Variants in KCNB2 observed in about 807,000 individuals in gnomAD.
The protein encoded by KCNB2 is potassium voltage-gated channel subfamily B member 2, also known as delayed rectifier potassium channel protein.
KCNB2 carries 15 observed loss-of-function variants against 61.5 expected under a neutral mutation model. That is an observed-to-expected ratio of 0.24 (90% CI 0.16 to 0.38). KCNB2 has a LOEUF of 0.38. Among genes scored for constraint, KCNB2 ranks in the 10% least tolerant of loss-of-function variants. The probability of loss-of-function intolerance (pLI) is 1.00; values close to 1 mark genes in which losing one functional copy is unlikely to be tolerated. For missense variants in KCNB2, 828 were observed against 1,125.2 expected (o/e 0.74, Z 3.78); for synonymous variants, 457 against 446.0 (o/e 1.02, Z -0.31).
chr8:72,682,678 C>T (rs926909159), intron 2 of KCNB2, among the ~76,000 whole-genome samples: 8 of 152,110 alleles, frequency 5.3e-5, no homozygotes, highest in African/African-American at 1.9e-4. Context: ...ACTGCAGCCT[C>T]AATTTCCTGG....
intron 2 of KCNB2, among the ~76,000 whole-genome samples, chr8:72,741,919 G>A (rs1161718370): frequency 6.6e-6 from 1 of 152,184 alleles, no homozygotes; most frequent in African/African-American, 2.4e-5. Context: ...AACCACTATG[G>A]AAAATAGTAT....
At chr8:72,772,538 T>G (rs1393481898) in intron 2 of KCNB2, among the ~76,000 whole-genome samples, 1 of 152,238 alleles carries the variant, frequency 6.6e-6, no homozygotes, top group East Asian at 1.9e-4. Flanking sequence ...GCTTCTGTTT[T>G]GCTGTTGTTG....
At chr8:72,852,457 T>G (rs1173738656) in intron 2 of KCNB2, among the ~76,000 whole-genome samples, 1 of 152,210 alleles carries the variant, frequency 6.6e-6, no homozygotes, top group Non-Finnish European at 1.5e-5. Flanking sequence ...TGTGTATGCT[T>G]ATACCACTAT....
intron 2 of KCNB2, among the ~76,000 whole-genome samples, chr8:72,651,715 C>T (rs1248827389): frequency 6.6e-6 from 1 of 152,016 alleles, no homozygotes; most frequent in African/African-American, 2.4e-5. Context: ...TACATCCAGT[C>T]GATCCAGTAA....
At position 72,706,406 on chromosome 8, in the gene KCNB2, A is replaced by T. The variant is rs183166080; in HGVS notation, c.579+138093A>T. Among the ~76,000 whole-genome samples, 783 of 152,330 alleles carry T rather than the reference A, an allele frequency of 5.1e-3. 9 individuals are homozygous for T. Among genetic ancestry groups the T allele is most frequent in the Middle Eastern group, 0.037 (11 of 294 alleles). ...ATACAACATTTTTAAAAAGTAAAAAAATATAAGTGTAGTCCACAGTGACCC... is the reference window on the plus strand; with the variant it reads ...ATACAACATTTTTAAAAAGTAAAAATATATAAGTGTAGTCCACAGTGACCC... On this transcript the variant is annotated intron_variant, in intron 2 of 2. Transcript: ENST00000523207.
chr8:72,742,615 A>G lies in KCNB2; in HGVS notation c.579+174302A>G, dbSNP rs573222975. Among the ~76,000 whole-genome samples the G allele has an allele frequency of 8.5e-5, 13 of 152,274 alleles. No individual in the cohort carries two copies. The South Asian group carries it at 2.7e-3, about 32-fold the overall frequency. On this transcript the variant is annotated intron_variant, in intron 2 of 2. Coordinates refer to ENST00000523207, the MANE Select transcript of KCNB2 (RefSeq NM_004770.3). ...TGGCCTCTAACTTCCCACACCACAA[A>G]TAATGTGGTGATCAACCTCCTCATC...
At chr8:72,831,089 G>C (rs908503126) in intron 2 of KCNB2, among the ~76,000 whole-genome samples, 1 of 152,188 alleles carries the variant, frequency 6.6e-6, no homozygotes, top group Admixed American at 6.5e-5. Flanking sequence ...CAACTACTCA[G>C]ATTGGCCTTG....
intron 2 of KCNB2, among the ~76,000 whole-genome samples, chr8:72,924,704 G>C (rs1183673354): frequency 6.6e-6 from 1 of 152,154 alleles, no homozygotes; most frequent in Non-Finnish European, 1.5e-5. Context: ...ATACAGAAGT[G>C]CTTGGGCCCA....
chr8:72,565,175 ACT>A (rs994593936), intron 1 of KCNB2, among the ~76,000 whole-genome samples: 3 of 151,678 alleles, frequency 2.0e-5, no homozygotes, highest in Non-Finnish European at 4.4e-5. Flanking sequence ...TATTCCTGTA[ACT>A]CTGTAGTTGA....
chr8:72,718,935 A>G (rs545788593), intron 2 of KCNB2, among the ~76,000 whole-genome samples: 1 of 152,160 alleles, frequency 6.6e-6, no homozygotes, highest in Non-Finnish European at 1.5e-5. Context: ...TCATAAGGCG[A>G]GATTTTTTTC....
intron 2 of KCNB2, among the ~76,000 whole-genome samples, chr8:72,716,839 A>T (rs1171773617): frequency 6.6e-6 from 1 of 152,184 alleles, no homozygotes; most frequent in Non-Finnish European, 1.5e-5. Flanking sequence ...AAGGAAATAA[A>T]GGGCATTCAA....
chr8:72,840,218 T>A (rs1270600192), intron 2 of KCNB2, among the ~76,000 whole-genome samples: 1 of 152,226 alleles, frequency 6.6e-6, no homozygotes, highest in East Asian at 1.9e-4. Context: ...CCTTCATTCA[T>A]GTCCCTGCAA....
chr8:72,763,365 C>G (rs546436172), intron 2 of KCNB2, among the ~76,000 whole-genome samples: 1 of 151,886 alleles, frequency 6.6e-6, no homozygotes, highest in South Asian at 2.1e-4. Flanking sequence ...GCAATTACAA[C>G]AAGCACCGAA....
chr8:72,799,406 A>ATTATTATTTATTATTT (rs1447331959), intron 2 of KCNB2, among the ~76,000 whole-genome samples: 8 of 152,140 alleles, frequency 5.3e-5, no homozygotes, highest in Non-Finnish European at 8.8e-5. Context: ...AGAGCACATT[A>ATTATTATTTATTATTT]TTATTTTTTA....
intron 2 of KCNB2, among the ~76,000 whole-genome samples, chr8:72,734,343 A>T (rs552639114): frequency 6.6e-6 from 1 of 152,316 alleles, no homozygotes; most frequent in African/African-American, 2.4e-5. Context: ...ACCATTTCAA[A>T]ATATGTCCCC....
At chr8:72,644,466 C>A (rs1806100306) in intron 2 of KCNB2, among the ~76,000 whole-genome samples, 1 of 152,048 alleles carries the variant, frequency 6.6e-6, no homozygotes, top group South Asian at 2.1e-4. Flanking sequence ...AATATGGTGG[C>A]ACCACATACT....
At chr8:72,588,593 C>T (rs1807037338) in intron 2 of KCNB2, among the ~76,000 whole-genome samples, 2 of 152,090 alleles carry the variant, frequency 1.3e-5, no homozygotes, top group African/African-American at 2.4e-5. Context: ...GAGGCACAGA[C>T]AAATTAAGAA....
chr8:72,721,873 A>G (rs966605180), intron 2 of KCNB2, among the ~76,000 whole-genome samples: 1 of 152,192 alleles, frequency 6.6e-6, no homozygotes, highest in Admixed American at 6.5e-5. Flanking sequence ...TCTGAGCTCC[A>G]GACCTAAATA....
intron 2 of KCNB2, among the ~76,000 whole-genome samples, chr8:72,602,961 A>G (rs1181971232): frequency 6.6e-6 from 1 of 152,178 alleles, no homozygotes; most frequent in Admixed American, 6.5e-5. Context: ...CTAAAAAAAA[A>G]AAAAGGCGGC....
Sources: allele counts gnomAD v4.1 joint callset (sites outside exome capture counted in the v4.1 genomes callset), GRCh38; gene constraint gnomAD v4.1.1; transcripts MANE v1.5; gene names NCBI Gene and HGNC (gene_info 2026-07-23, HGNC 2026-07-21).